The following CLVS1 variants were observed in gnomAD, a reference collection of about 807,000 sequenced individuals.
CLVS1 encodes the protein clavesin 1.
In CLVS1, 10 loss-of-function variants were observed where a neutral mutation model predicts 33.1. The observed-to-expected ratio is 0.30, with a 90% CI of 0.19 to 0.51. CLVS1 has a LOEUF of 0.51. Among genes scored for constraint, CLVS1 ranks in the 20% least tolerant of loss-of-function variants. The pLI, the probability that CLVS1 is intolerant of heterozygous loss-of-function variation, is 0.97. For synonymous variants in CLVS1, 163 were observed against 166.1 expected (o/e 0.98, Z 0.14); for missense variants, 343 against 433.4 (o/e 0.79, Z 1.85).
At chr8:61,420,123 A>G (rs1469266250) in intron 3 of CLVS1, among the ~76,000 whole-genome samples, 4 of 152,160 alleles carry the variant, frequency 2.6e-5, no homozygotes, top group African/African-American at 7.2e-5. Context: ...CCTGCATTCA[A>G]ATTCTGACTC....
rs1048599805 is a variant in CLVS1, at chr8:61,091,185, G to A, written c.-243+33955G>A. The stretch of plus-strand genomic sequence containing the variant: ...GGAGGAGTGAAGCACAGAGGAGAAG[G>A]CCATGCAAAGCAGAGATCTGAGCGA... On this transcript the variant is annotated intron_variant, in intron 1 of 2. Transcript: ENST00000522621. 6.6e-5 allele frequency among the ~76,000 whole-genome samples: 10 copies of A among 152,302 alleles called. No individual in the cohort carries two copies. In the South Asian group the frequency reaches 8.3e-4, roughly 13 times the overall value.
At chr8:61,009,672 C>T in the CLVS1 span, among the ~76,000 whole-genome samples, 1 of 152,130 alleles carries the variant, frequency 6.6e-6, no homozygotes, top group Non-Finnish European at 1.5e-5. Flanking sequence ...ATGTCTCTTA[C>T]TTGTTATATA....
intron 2 of CLVS1, among the ~76,000 whole-genome samples, chr8:61,325,126 G>A (rs192010303): frequency 6.6e-6 from 1 of 151,988 alleles, no homozygotes; most frequent in African/African-American, 2.4e-5. Flanking sequence ...TTGGCAATTT[G>A]TTCTGTCCTC....
chr8:61,500,691 C>T lies in CLVS1; in HGVS notation c.*1149C>T, dbSNP rs1804699564. The T allele has an allele frequency of 2.0e-5, 3 of 152,166 alleles. No individual in the cohort carries two copies. The highest frequency in any genetic ancestry group is 1.3e-4 in the Admixed American group (2 of 15,276). 9.4% of individuals were successfully genotyped at this position (152,166 alleles called of 1,614,324 possible). A position where few individuals can be genotyped will look rare whatever the true frequency, so the allele number is the denominator to read the frequency against. ...TTACTTGTGCCATGTTTTCCAAGAC[C>T]AGTGCATATTTTTAGACATCTCTTA... is the stretch of plus-strand genomic sequence containing the variant. On this transcript the variant is annotated 3_prime_UTR_variant, in exon 6 of 6. Coordinates refer to ENST00000325897, the MANE Select transcript of CLVS1 (RefSeq NM_173519.3).
At chr8:61,430,261 C>G (rs1816061147) in intron 3 of CLVS1, among the ~76,000 whole-genome samples, 1 of 152,178 alleles carries the variant, frequency 6.6e-6, no homozygotes, top group African/African-American at 2.4e-5. Context: ...CATCGGTTCT[C>G]TAGAGTTGCT....
chr8:61,020,400 G>A, the CLVS1 span, among the ~76,000 whole-genome samples: 1 of 152,208 alleles, frequency 6.6e-6, no homozygotes, highest in Non-Finnish European at 1.5e-5. Context: ...GCAATAGGCT[G>A]AAATTGAGCC....
intron 2 of CLVS1, among the ~76,000 whole-genome samples, chr8:61,327,221 A>AT (rs1277703657): frequency 2.6e-5 from 4 of 152,060 alleles, no homozygotes; most frequent in Non-Finnish European, 2.9e-5. Flanking sequence ...ATTGCAATAC[A>AT]TTTTTTCTTG....
intron 3 of CLVS1, among the ~76,000 whole-genome samples, chr8:61,379,623 G>A (rs1480794160): frequency 3.3e-5 from 5 of 152,124 alleles, no homozygotes; most frequent in East Asian, 1.9e-4. Context: ...ATTGCTACAC[G>A]TTGGGTTGTT....
intron 3 of CLVS1, among the ~76,000 whole-genome samples, chr8:61,395,959 T>C (rs1033136540): frequency 6.6e-6 from 1 of 152,174 alleles, no homozygotes; most frequent in African/African-American, 2.4e-5. Flanking sequence ...AAGTAATATA[T>C]ATATTTTCCC....
intron 5 of CLVS1, among the ~76,000 whole-genome samples, chr8:61,472,410 G>C (rs892425115): frequency 1.3e-5 from 2 of 151,982 alleles, no homozygotes; most frequent in African/African-American, 4.8e-5. Context: ...AGAGAGGAAG[G>C]AAACAACAAA....
intron 5 of CLVS1, among the ~76,000 whole-genome samples, chr8:61,471,670 C>A (rs920436802): frequency 3.3e-5 from 5 of 152,198 alleles, no homozygotes; most frequent in African/African-American, 1.2e-4. Flanking sequence ...ACCCCTACCT[C>A]CCTTCCTCCT....
the CLVS1 span, among the ~76,000 whole-genome samples, chr8:60,990,782 C>T: frequency 6.6e-6 from 1 of 150,856 alleles, no homozygotes; most frequent in Admixed American, 6.6e-5. Flanking sequence ...AATCTTGGCT[C>T]ACTGCAAGCT....
At chr8:61,475,457 GTTGTTTCCTGAC>G (rs1409386573) in intron 5 of CLVS1, among the ~76,000 whole-genome samples, 1 of 152,178 alleles carries the variant, frequency 6.6e-6, no homozygotes, top group East Asian at 1.9e-4. Flanking sequence ...TCCAGCACCT[GTTGTTTCCTGAC>G]TTTTTAATGA....
chr8:61,403,298 G>A (rs905741359), intron 3 of CLVS1, among the ~76,000 whole-genome samples: 1 of 152,190 alleles, frequency 6.6e-6, no homozygotes, highest in Non-Finnish European at 1.5e-5. Context: ...AGAGTGGGAG[G>A]CCCTGTCAGC....
At chr8:60,968,260 A>C in the CLVS1 span, among the ~76,000 whole-genome samples, 2 of 152,174 alleles carry the variant, frequency 1.3e-5, no homozygotes, top group Non-Finnish European at 2.9e-5. Context: ...CCGTAATCGC[A>C]GCACTTTGGG....
the CLVS1 span, among the ~76,000 whole-genome samples, chr8:60,980,537 G>A: frequency 6.6e-6 from 1 of 152,202 alleles, no homozygotes; most frequent in Non-Finnish European, 1.5e-5. Flanking sequence ...TGTAATCCCA[G>A]CACTTTGGGT....
intron 1 of CLVS1, among the ~76,000 whole-genome samples, chr8:61,084,570 G>T (rs569384461): frequency 2.0e-5 from 3 of 152,296 alleles, no homozygotes; most frequent in South Asian, 4.1e-4. Context: ...TTGCCCAAAA[G>T]GTCAATCGTG....
At chr8:61,259,010 A>C (rs929764952) in intron 2 of CLVS1, among the ~76,000 whole-genome samples, 1 of 152,212 alleles carries the variant, frequency 6.6e-6, no homozygotes, top group Non-Finnish European at 1.5e-5. Context: ...AAATTGCATT[A>C]TTACAGATTC....
chr8:61,416,534 T>C (rs1315922504), intron 3 of CLVS1, among the ~76,000 whole-genome samples: 1 of 152,208 alleles, frequency 6.6e-6, no homozygotes, highest in Non-Finnish European at 1.5e-5. Flanking sequence ...CATCTCTGTA[T>C]AATGGGCATT....
Sources: gnomAD v4.1 joint callset for allele counts (sites outside exome capture counted in the v4.1 genomes callset) on GRCh38, gnomAD v4.1.1 for gene constraint, MANE v1.5 for transcripts, NCBI Gene and HGNC (gene_info 2026-07-23, HGNC 2026-07-21) for gene names.